Variants in MALRD1 observed in about 807,000 individuals in gnomAD.
MALRD1 encodes MAM and LDL-receptor class A domain-containing protein 1.
A neutral mutation model predicts 242.1 loss-of-function variants in MALRD1; 247 were observed. The observed-to-expected ratio is 1.02, with a 90% CI of 0.92 to 1.13. The LOEUF is 1.13. Ranked by LOEUF, MALRD1 falls within the 50% of genes most tolerant of loss-of-function variation. The pLI, the probability that MALRD1 is intolerant of heterozygous loss-of-function variation, is 0.00. For synonymous variants in MALRD1, 995 were observed against 866.6 expected (o/e 1.15, Z -2.60); for missense variants, 2,989 against 2,533.1 (o/e 1.18, Z -3.86).
intron 21 of MALRD1, among the ~76,000 whole-genome samples, chr10:19,312,668 A>G (rs981829065): frequency 6.6e-6 from 1 of 151,270 alleles, no homozygotes; most frequent in Non-Finnish European, 1.5e-5. Flanking sequence ...CAAAATGGTG[A>G]TCATCATTTA....
intron 33 of MALRD1, among the ~76,000 whole-genome samples, chr10:19,592,755 A>ACGCGCGCG (rs1466692743): frequency 5.9e-5 from 7 of 119,378 alleles, no homozygotes; most frequent in African/African-American, 1.7e-4. Flanking sequence ...ACACACACAC[A>ACGCGCGCG]CACACACGCA....
chr10:19,602,158 T>TC (rs1374358099), intron 34 of MALRD1, among the ~76,000 whole-genome samples: 2 of 147,438 alleles, frequency 1.4e-5, no homozygotes, highest in East Asian at 2.0e-4. Flanking sequence ...AATTTTCTTT[T>TC]TTTTTTTTTT....
chr10:19,170,053 A>T (rs2131519603), intron 13 of MALRD1, among the ~76,000 whole-genome samples: 2 of 152,336 alleles, frequency 1.3e-5, no homozygotes, highest in African/African-American at 4.8e-5. Context: ...TTTGGGTTTC[A>T]TAGCAAATAA....
intron 38 of MALRD1, among the ~76,000 whole-genome samples, chr10:19,717,274 A>G (rs886513200): frequency 1.3e-4 from 20 of 152,234 alleles, no homozygotes; most frequent in African/African-American, 4.8e-5. Flanking sequence ...GATGCTTTAT[A>G]TGCATATTTC....
intron 19 of MALRD1, among the ~76,000 whole-genome samples, chr10:19,262,844 G>A (rs774116383): frequency 1.3e-5 from 2 of 152,054 alleles, no homozygotes; most frequent in Non-Finnish European, 2.9e-5. Flanking sequence ...TGTTCTGTGA[G>A]TTCAACTTTT....
Position 19,103,927 on chromosome 10 carries a change from A to G in MALRD1, c.598-52A>G, listed in dbSNP as rs1355924825. 7.6e-6 allele frequency: 8 copies of G among 1,059,588 alleles called. No individual in the cohort carries two copies. The South Asian group carries it at 2.9e-4, about 38-fold the overall frequency. The allele number at this position is 1,059,588 out of a possible 1,614,324, so 65.6% of individuals were successfully genotyped here. On this transcript the variant is annotated intron_variant, in intron 4 of 39. Coordinates refer to ENST00000454679, the MANE Select transcript of MALRD1 (RefSeq NM_001142308.3). ...TCTTTTATAACACTGTGAGACAGTG[A>G]TGTTCCTTGCTTTATGTTTTTGTTT... is the stretch of plus-strand genomic sequence containing the variant.
At position 19,347,949 on chromosome 10, in the gene MALRD1, T is replaced by C. The variant is rs568389387; in HGVS notation, c.4080T>C (p.Phe1360=). Residue 1360 remains phenylalanine, a synonymous_variant, in exon 25 of 40, where the codon TTT becomes TTC. Coordinates refer to ENST00000454679, the MANE Select transcript of MALRD1 (RefSeq NM_001142308.3). ...SGHYIFIKSL[F]PQQPMRAARI... Reference sequence around the variant, plus strand: ...ATTACATCTTTATAAAGAGTTTGTTTCCTCAGCAGCCCATGAGAGCTGCCA... The same window carrying C: ...ATTACATCTTTATAAAGAGTTTGTTCCCTCAGCAGCCCATGAGAGCTGCCA... 3 of 1,550,374 alleles carry C rather than the reference T, an allele frequency of 1.9e-6. No homozygotes were observed. Among genetic ancestry groups the C allele is most frequent in the Non-Finnish European group, 2.6e-6 (3 of 1,146,832 alleles).
intron 2 of MALRD1, among the ~76,000 whole-genome samples, chr10:19,081,470 C>T (rs370985432): frequency 3.2e-4 from 48 of 152,054 alleles, no homozygotes; most frequent in African/African-American, 1.0e-3. Context: ...TGCAGGGACA[C>T]GGATAAAGCT....
chr10:19,379,149 G>C (rs1049726577), intron 26 of MALRD1, among the ~76,000 whole-genome samples: 100 of 151,938 alleles, frequency 6.6e-4, no homozygotes, highest in African/African-American at 2.4e-3. Flanking sequence ...GTGATATCTT[G>C]TCTTTCCTTT....
At chr10:19,402,416 A>ACT (rs1846900863) in intron 28 of MALRD1, among the ~76,000 whole-genome samples, 1 of 152,010 alleles carries the variant, frequency 6.6e-6, no homozygotes, top group African/African-American at 2.4e-5. Context: ...GTAGTGAGTA[A>ACT]CTCTCAGGAG....
chr10:19,442,172 C>T (rs531021686), intron 28 of MALRD1, among the ~76,000 whole-genome samples: 9 of 152,224 alleles, frequency 5.9e-5, no homozygotes, highest in East Asian at 1.9e-4. Flanking sequence ...GTGATTTTTG[C>T]ACATTGATTT....
intron 38 of MALRD1, among the ~76,000 whole-genome samples, chr10:19,695,472 A>C (rs979883695): frequency 6.6e-6 from 1 of 151,734 alleles, no homozygotes; most frequent in Non-Finnish European, 1.5e-5. Flanking sequence ...GGGAGGCCTC[A>C]CAATCATGGT....
chr10:19,238,462 T>G (rs1321890950), intron 18 of MALRD1, among the ~76,000 whole-genome samples: 1 of 34,890 alleles, frequency 2.9e-5, no homozygotes, highest in African/African-American at 2.0e-4. Flanking sequence ...ATATAATATA[T>G]AATATAATAT....
intron 33 of MALRD1, among the ~76,000 whole-genome samples, chr10:19,575,176 A>T (rs1249876474): frequency 6.6e-6 from 1 of 152,220 alleles, no homozygotes; most frequent in Admixed American, 6.5e-5. Context: ...CCAAATGCAG[A>T]TGGCAAATGC....
intron 28 of MALRD1, among the ~76,000 whole-genome samples, chr10:19,435,148 A>G (rs1005053422): frequency 6.7e-6 from 1 of 149,654 alleles, no homozygotes; most frequent in African/African-American, 2.4e-5. Flanking sequence ...ATTTTATTTT[A>G]TAATATCCTA....
At chr10:19,617,661 G>A (rs1217546294) in intron 36 of MALRD1, among the ~76,000 whole-genome samples, 3 of 151,926 alleles carry the variant, frequency 2.0e-5, no homozygotes, top group Non-Finnish European at 4.4e-5. Flanking sequence ...ATCCTACACT[G>A]TAGTAGTAAG....
At chr10:19,182,619 T>C (rs12761014) in intron 14 of MALRD1, among the ~76,000 whole-genome samples, 45,763 of 151,824 alleles carry the variant, frequency 0.3, 7,228 homozygotes, top group Admixed American at 0.37. Context: ...TGTGAGCCAC[T>C]GCACCCGGCC....
intron 33 of MALRD1, among the ~76,000 whole-genome samples, chr10:19,572,821 T>C (rs1836628251): frequency 6.6e-6 from 1 of 152,086 alleles, no homozygotes; most frequent in Non-Finnish European, 1.5e-5. Context: ...AGCCAGGGAA[T>C]GCCCAACATG....
intron 28 of MALRD1, among the ~76,000 whole-genome samples, chr10:19,422,118 C>A (rs1438214111): frequency 6.6e-6 from 1 of 152,188 alleles, no homozygotes. Context: ...TTGATTTAAC[C>A]TTTAGAAAGT....
Sources: gnomAD v4.1 joint callset for allele counts (sites outside exome capture counted in the v4.1 genomes callset) on GRCh38, gnomAD v4.1.1 for gene constraint, MANE v1.5 for transcripts, NCBI Gene and HGNC (gene_info 2026-07-23, HGNC 2026-07-21) for gene names.